POLN: variants seen among roughly 807,000 people sequenced by gnomAD.
The protein encoded by POLN is DNA polymerase nu.
Under a neutral mutation model 113.5 loss-of-function variants are expected in POLN, and 108 were observed. That is an observed-to-expected ratio of 0.95 (90% confidence interval 0.81 to 1.12). POLN has a LOEUF of 1.12. Ranked by LOEUF, POLN falls within the 50% of genes most tolerant of loss-of-function variation. POLN has a pLI of 0.00. For missense variants in POLN, 1,097 were observed against 1,077.1 expected (o/e 1.02, Z -0.26); for synonymous variants, 386 against 391.5 (o/e 0.99, Z 0.17).
intron 2 of POLN, chr4:2,231,965 T>G: frequency 6.9e-7 from 1 of 1,452,144 alleles, no homozygotes; most frequent in Non-Finnish European, 9.5e-7. Flanking sequence ...TTTGATTGAG[T>G]TTCTAAATTC....
At chr4:2,141,832 T>C (rs1732008760) in intron 16 of POLN, among the ~76,000 whole-genome samples, 1 of 152,242 alleles carries the variant, frequency 6.6e-6, no homozygotes, top group Admixed American at 6.5e-5. Context: ...CCCCTCGGCA[T>C]GGCACTCCTG....
At chr4:2,135,023 T>C (rs1260846041) in intron 16 of POLN, among the ~76,000 whole-genome samples, 2 of 152,166 alleles carry the variant, frequency 1.3e-5, no homozygotes, top group African/African-American at 2.4e-5. Context: ...AGCACCACGA[T>C]ATGCAGCCCA....
At chr4:2,152,366 A>T (rs1189313802) in intron 16 of POLN, among the ~76,000 whole-genome samples, 2 of 142,702 alleles carry the variant, frequency 1.4e-5, no homozygotes, top group Non-Finnish European at 3.0e-5. Context: ...TTAGGAGACA[A>T]GGTCTTGCTC....
chr4:2,233,654 CTTAT>C (rs1323652466), intron 2 of POLN, among the ~76,000 whole-genome samples: 1 of 152,160 alleles, frequency 6.6e-6, no homozygotes, highest in African/African-American at 2.4e-5. Context: ...TTTAAATTGA[CTTAT>C]TTTTTTCCTT....
At chr4:2,130,796 AT>A (rs1178891824) in intron 17 of POLN, among the ~76,000 whole-genome samples, 1 of 152,208 alleles carries the variant, frequency 6.6e-6, no homozygotes, top group East Asian at 1.9e-4. Context: ...CTTTCAATGT[AT>A]GTTTAAATCC....
chr4:2,164,684 T>G (rs1732684332), intron 13 of POLN, among the ~76,000 whole-genome samples: 1 of 150,248 alleles, frequency 6.7e-6, no homozygotes, highest in Non-Finnish European at 1.5e-5. Flanking sequence ...ACACCTGTAG[T>G]CCCAACTACT....
At chr4:2,113,956 A>G (rs1035648878) in intron 19 of POLN, among the ~76,000 whole-genome samples, 10 of 150,748 alleles carry the variant, frequency 6.6e-5, no homozygotes, top group African/African-American at 2.4e-4. Flanking sequence ...CTGAAGTGCA[A>G]TGGTGCGATC....
At chr4:2,219,172 C>T (rs1577781752) in intron 3 of POLN, among the ~76,000 whole-genome samples, 1 of 152,252 alleles carries the variant, frequency 6.6e-6, no homozygotes, top group East Asian at 1.9e-4. Flanking sequence ...GGAGTGAGCC[C>T]TCCCATTATA....
At chr4:2,089,598 T>G in intron 20 of POLN, 1 of 997,296 alleles carries the variant, frequency 1.0e-6, no homozygotes, top group Admixed American at 2.9e-5. Context: ...TACTAGCATT[T>G]AAATTATCAA....
Position 2,081,738 on chromosome 4 carries a change from C to T in POLN, c.2203G>A (p.Val735Met). Residue 735 changes from valine to methionine, a missense_variant, in exon 22 of 26, where the codon GTG becomes ATG. By Grantham distance (21) the Val-to-Met change is conservative. Coordinates refer to ENST00000511885, the MANE Select transcript of POLN (RefSeq NM_181808.4). Reference sequence around the variant, plus strand: ...CTCCTTCTGCCCATGATGGACACCACACAGCCTGAGTCACACAGAGCAAAA... The same window carrying T: ...CTCCTTCTGCCCATGATGGACACCATACAGCCTGAGTCACACAGAGCAAAA... ...AIAQCHQTGC[V>M]VSIMGRRRPL... 1 of 1,613,944 alleles carries T rather than the reference C, an allele frequency of 6.2e-7. No individual in the cohort carries two copies. The highest frequency in any genetic ancestry group is 8.5e-7 in the Non-Finnish European group (1 of 1,179,850).
chr4:2,105,314 A>C (rs1731039128), intron 19 of POLN, among the ~76,000 whole-genome samples: 1 of 152,138 alleles, frequency 6.6e-6, no homozygotes, highest in African/African-American at 2.4e-5. Flanking sequence ...TCTGGATGGC[A>C]GCAATAGTCT....
chr4:2,122,499 T>TCCCCATCAAGGAAATGCAAGTCAAAG (rs1319845626), intron 19 of POLN, among the ~76,000 whole-genome samples: 8 of 152,028 alleles, frequency 5.3e-5, no homozygotes, highest in Admixed American at 3.9e-4. Context: ...TCAACATCCA[T>TCCCCATCAAGGAAATGCAAGTCAAAG]CCCCATCAAG....
intron 13 of POLN, 94 bp from the exon 14 acceptor site, chr4:2,159,305 T>C: frequency 9.6e-7 from 1 of 1,041,340 alleles, no homozygotes; most frequent in Middle Eastern, 2.8e-4. Flanking sequence ...TAATAAATGG[T>C]CTAATTGAGC....
At chr4:2,075,594 G>A (rs1163237064) in intron 23 of POLN, 75 bp from the exon 24 acceptor site, 4 of 1,522,644 alleles carry the variant, frequency 2.6e-6, no homozygotes, top group South Asian at 1.1e-5. Context: ...CAGGGAGGGA[G>A]GGAGTCAACC....
chr4:2,224,571 A>G (rs1189090591), intron 3 of POLN, among the ~76,000 whole-genome samples: 2 of 152,200 alleles, frequency 1.3e-5, no homozygotes, highest in Non-Finnish European at 2.9e-5. Flanking sequence ...AGTTGACTGT[A>G]TGACATAGCT....
chr4:2,201,305 G>GAAAAAAAAAAA (rs1733709580), intron 5 of POLN, among the ~76,000 whole-genome samples: 2 of 58,106 alleles, frequency 3.4e-5, no homozygotes, highest in African/African-American at 1.0e-4. Context: ...AAAAAAAAAC[G>GAAAAAAAAAAA]AGGGGAGAAA....
At chr4:2,225,059 T>C (rs1699454105) in intron 3 of POLN, among the ~76,000 whole-genome samples, 1 of 152,072 alleles carries the variant, frequency 6.6e-6, no homozygotes, top group Admixed American at 6.6e-5. Flanking sequence ...ACCACCAACA[T>C]ATATACGGTC....
At chr4:2,209,440 T>C (rs1269557278) in intron 4 of POLN, among the ~76,000 whole-genome samples, 3 of 146,840 alleles carry the variant, frequency 2.0e-5, no homozygotes, top group Non-Finnish European at 4.4e-5. Context: ...GATCATGCCA[T>C]TGCACTCCAG....
At chr4:2,114,972 G>T (rs564932406) in intron 19 of POLN, among the ~76,000 whole-genome samples, 1 of 151,218 alleles carries the variant, frequency 6.6e-6, no homozygotes, top group African/African-American at 2.4e-5. Context: ...ACTTTCTATT[G>T]GCCTGTCTTC....
Sources: gnomAD v4.1 joint callset for allele counts (sites outside exome capture counted in the v4.1 genomes callset) on GRCh38, gnomAD v4.1.1 for gene constraint, MANE v1.5 for transcripts, NCBI Gene and HGNC (gene_info 2026-07-23, HGNC 2026-07-21) for gene names.